The following VPS26C variants were observed in gnomAD, a reference collection of about 807,000 sequenced individuals.
The protein encoded by VPS26C is VPS26 endosomal protein sorting factor C.
In VPS26C, 19 loss-of-function variants were observed where a neutral mutation model predicts 30.6. The observed-to-expected ratio is 0.62, with a 90% CI of 0.43 to 0.91. The LOEUF is 0.91. VPS26C is among the 40% of genes least tolerant of loss of function. The pLI, the probability that VPS26C is intolerant of heterozygous loss-of-function variation, is 0.00. For missense variants in VPS26C, 318 were observed against 385.1 expected (o/e 0.83, Z 1.46); for synonymous variants, 132 against 151.5 (o/e 0.87, Z 0.95).
At chr21:37,256,923 C>G (rs1321965686) in intron 1 of VPS26C, among the ~76,000 whole-genome samples, 2 of 152,080 alleles carry the variant, frequency 1.3e-5, no homozygotes, top group Non-Finnish European at 2.9e-5. Context: ...ATCGCTTGAG[C>G]CCAGGGGTTT....
chr21:37,266,241 A>G (rs1358934102), intron 1 of VPS26C, among the ~76,000 whole-genome samples: 1 of 152,142 alleles, frequency 6.6e-6, no homozygotes, highest in Non-Finnish European at 1.5e-5. Context: ...GTAATTAACC[A>G]TCAAGGGGAT....
chr21:37,267,473 C>G (rs1602295694), upstream of VPS26C: 19 of 607,590 alleles, frequency 3.1e-5, no homozygotes, highest in East Asian at 4.9e-4. Flanking sequence ...CCCACGCCTT[C>G]CTCCTTCCGG....
chr21:37,257,106 T>A lies in VPS26C; in HGVS notation c.57+10132A>T, dbSNP rs1197307664. 6.6e-6 allele frequency among the ~76,000 whole-genome samples: 1 copy of A among 152,166 alleles called. No homozygotes were observed. Among genetic ancestry groups the A allele is most frequent in the African/African-American group, 2.4e-5 (1 of 41,420 alleles). Reference sequence around the variant, plus strand: ...GAGACTGTACCACTGCACTCCAGCCTGGGTGACAGAGTGAGGCTCTGTCTC... The same window carrying A: ...GAGACTGTACCACTGCACTCCAGCCAGGGTGACAGAGTGAGGCTCTGTCTC... On this transcript the variant is annotated intron_variant, in intron 1 of 7. Transcript: ENST00000309117. This position sits in a 1 kb window ranked among gnomAD's most constrained non-coding sequence, Gnocchi z 4.2.
chr21:37,262,957 G>T (rs1293650404), intron 1 of VPS26C, among the ~76,000 whole-genome samples: 1 of 151,910 alleles, frequency 6.6e-6, no homozygotes, highest in Non-Finnish European at 1.5e-5. Context: ...TAGAGATGAG[G>T]TTTCGCCACG....
intron 1 of VPS26C, among the ~76,000 whole-genome samples, chr21:37,242,663 A>G (rs942784502): frequency 1.3e-5 from 2 of 152,246 alleles, no homozygotes; most frequent in Non-Finnish European, 1.5e-5. Context: ...CAAATAAATG[A>G]GACAAAATAA....
Position 37,227,671 on chromosome 21 carries a change from G to C in VPS26C, c.794C>G (p.Thr265Ser), listed in dbSNP as rs953687947. The change falls in exon 7 of 8, where the codon ACC becomes AGC. Residue 265 changes from threonine to serine, a missense_variant. Coordinates refer to ENST00000309117, the MANE Select transcript of VPS26C (RefSeq NM_006052.2). ...CCACTTACCCACTTTGAAGTTGGTG[G>C]TCTCCAGTGTAGGGCAGGTGAACAG... ...PRLFTCPTLE[T>S]TNFKVEFEVN... The C allele has an allele frequency of 3.1e-6, 5 of 1,614,030 alleles. No homozygotes were observed. In the African/African-American group the frequency reaches 6.7e-5, roughly 22 times the overall value.
chr21:37,262,933 T>G (rs2086320365), intron 1 of VPS26C, among the ~76,000 whole-genome samples: 1 of 151,806 alleles, frequency 6.6e-6, no homozygotes, highest in Non-Finnish European at 1.5e-5. Context: ...CCCAGCTAAT[T>G]TTTGTATTTT....
intron 1 of VPS26C, among the ~76,000 whole-genome samples, chr21:37,245,794 A>C (rs1422817114): frequency 2.0e-5 from 3 of 152,206 alleles, no homozygotes; most frequent in Admixed American, 6.5e-5. Context: ...AAGTCCGATG[A>C]GACAATTGCT....
intron 1 of VPS26C, among the ~76,000 whole-genome samples, chr21:37,264,669 G>A (rs1464862754): frequency 6.6e-6 from 1 of 152,168 alleles, no homozygotes; most frequent in Non-Finnish European, 1.5e-5. Flanking sequence ...ATACAAAGTA[G>A]TGGAAAAATT....
intron 1 of VPS26C, among the ~76,000 whole-genome samples, chr21:37,263,200 T>A (rs1352871668): frequency 6.6e-6 from 1 of 152,198 alleles, no homozygotes; most frequent in Non-Finnish European, 1.5e-5. Context: ...TTCTCTGGTG[T>A]CCACAGAATC....
chr21:37,254,035 A>G (rs1017623906), intron 1 of VPS26C, among the ~76,000 whole-genome samples: 12 of 152,220 alleles, frequency 7.9e-5, no homozygotes, highest in Non-Finnish European at 1.6e-4. Flanking sequence ...ACTCCAGACT[A>G]TAAACCAAAC....
chr21:37,240,546 G>GCCTC lies in VPS26C; in HGVS notation c.150_151insGAGG (p.Leu51GlufsTer11). On this transcript the variant is annotated frameshift_variant, in exon 2 of 8. Transcript: ENST00000309117. LOFTEE classifies it high-confidence loss of function. ...AACACACCCACACTTTTGGCACTGA[G>GCCTC]CTGGAGGTTTACAGTTCCTTCCATG... 1.2e-6 allele frequency: 2 copies of GCCTC among 1,614,168 alleles called. No homozygotes were observed. Among genetic ancestry groups the GCCTC allele is most frequent in the Non-Finnish European group, 1.7e-6 (2 of 1,180,042 alleles).
At chr21:37,240,270 G>A (rs563917534) in intron 2 of VPS26C, among the ~76,000 whole-genome samples, 2 of 152,060 alleles carry the variant, frequency 1.3e-5, no homozygotes, top group South Asian at 2.1e-4. Flanking sequence ...CTACAGGCAC[G>A]CACCACCACA....
chr21:37,244,175 T>C (rs1031993690), intron 1 of VPS26C, among the ~76,000 whole-genome samples: 1 of 152,268 alleles, frequency 6.6e-6, no homozygotes, highest in African/African-American at 2.4e-5. Flanking sequence ...CTTGCTCTTC[T>C]CAGCTTTGCT....
rs773003140 is a variant in VPS26C at position 37,225,641 on chromosome 21, G to GA, written c.812-16dup. On this transcript the variant is annotated splice_polypyrimidine_tract_variant and intron_variant, in intron 7 of 7. Transcript: ENST00000309117. ...AACCTCAAATTCTGAGAAGAGAAGA[G>GA]AGGGTGGGTTTGTGCTCACTGTTAC... The GA allele has an allele frequency of 4.7e-5, 76 of 1,609,622 alleles. No homozygotes were observed. Among genetic ancestry groups the GA allele is most frequent in the Non-Finnish European group, 6.1e-5 (72 of 1,176,186 alleles).
chr21:37,233,455 G>T lies in VPS26C; in HGVS notation c.352-13C>A, dbSNP rs1250648872. 1 of 1,607,910 alleles carries T rather than the reference G, an allele frequency of 6.2e-7. No individual in the cohort carries two copies. The highest frequency in any genetic ancestry group is 1.3e-5 in the African/African-American group (1 of 74,902). ...AGCGCAGTGTATACTAAAGGGGAGA[G>T]TTGGAGGAAAAAAGTTCATTTTAGT... On this transcript the variant is annotated splice_polypyrimidine_tract_variant and intron_variant, in intron 3 of 7. Transcript: ENST00000309117. The surrounding 1 kb of genome is among the most constrained non-coding windows in gnomAD (Gnocchi z 5.2).
In VPS26C at chr21:37,263,929, C is replaced by T. The variant is rs543177566; in HGVS notation, c.57+3309G>A. Among the ~76,000 whole-genome samples, 8 of 152,318 alleles carry T rather than the reference C, an allele frequency of 5.3e-5. No homozygotes were observed. The East Asian group carries it at 1.5e-3, about 29-fold the overall frequency. ...GAGAGAAGGGCCGCTTCTCCCACAACCACAGCGCAAACTAGATGTGACATA... is the reference window on the plus strand; with the variant it reads ...GAGAGAAGGGCCGCTTCTCCCACAATCACAGCGCAAACTAGATGTGACATA... On this transcript the variant is annotated intron_variant, in intron 1 of 7. Transcript: ENST00000309117.
At chr21:37,236,682 G>A (rs2086027994) in intron 3 of VPS26C, among the ~76,000 whole-genome samples, 1 of 152,230 alleles carries the variant, frequency 6.6e-6, no homozygotes, top group Non-Finnish European at 1.5e-5. Context: ...GACAATAAGT[G>A]TGATAAAGTC....
At chr21:37,259,626 C>A (rs2086283561) in intron 1 of VPS26C, among the ~76,000 whole-genome samples, 1 of 152,120 alleles carries the variant, frequency 6.6e-6, no homozygotes. Context: ...CATTTGAGTC[C>A]AACTTTTTGA....
Sources: allele counts gnomAD v4.1 joint callset (sites outside exome capture counted in the v4.1 genomes callset), GRCh38; gene constraint gnomAD v4.1.1; non-coding constraint Gnocchi (gnomAD v3.1); transcripts MANE v1.5; gene names NCBI Gene and HGNC (gene_info 2026-07-23, HGNC 2026-07-21).